Variants in PDE3B observed in about 807,000 individuals in gnomAD.
PDE3B encodes cGMP-inhibited 3',5'-cyclic phosphodiesterase 3B.
Under a neutral mutation model 116.8 loss-of-function variants are expected in PDE3B, and 66 were observed. That is an observed-to-expected ratio of 0.56 (90% CI 0.46 to 0.69). The LOEUF is 0.69. PDE3B is among the 30% of genes least tolerant of loss of function. The probability of loss-of-function intolerance (pLI) is 0.00; values close to 1 mark genes in which losing one functional copy is unlikely to be tolerated. For missense variants in PDE3B, 1,384 were observed against 1,368.1 expected, an observed-to-expected ratio of 1.01 and a Z score of -0.18; for synonymous variants, 595 against 533.6, an observed-to-expected ratio of 1.12 and a Z score of -1.59.
At chr11:14,664,827 A>C (rs993928772) in intron 1 of PDE3B, among the ~76,000 whole-genome samples, 74 of 152,276 alleles carry the variant, frequency 4.9e-4, no homozygotes, top group Admixed American at 2.2e-3. Context: ...CAGCCGAATT[A>C]TACCAGAGGT....
At chr11:14,766,064 G>A (rs1277926343) in intron 1 of PDE3B, among the ~76,000 whole-genome samples, 4 of 151,446 alleles carry the variant, frequency 2.6e-5, no homozygotes, top group East Asian at 1.9e-4. Context: ...TTCCGTATGC[G>A]TGGTAGCTAC....
chr11:14,897,373 TGGTTTTACA>T, the PDE3B span, among the ~76,000 whole-genome samples: 1 of 152,210 alleles, frequency 6.6e-6, no homozygotes, highest in South Asian at 2.1e-4. Flanking sequence ...CCTCTCTCCC[TGGTTTTACA>T]GGTCAATGCC....
chr11:14,819,263 AT>A, intron 7 of PDE3B, 54 bp downstream of exon 7: 4 of 1,031,966 alleles, frequency 3.9e-6, no homozygotes, highest in Non-Finnish European at 6.0e-6. Context: ...TCTTACAATG[AT>A]TTTTAGAATG....
intron 1 of PDE3B, among the ~76,000 whole-genome samples, chr11:14,681,627 A>G (rs1457199014): frequency 6.6e-6 from 1 of 152,198 alleles, no homozygotes; most frequent in Non-Finnish European, 1.5e-5. Flanking sequence ...TTGTACCATC[A>G]TAGGTTGAGG....
At chr11:14,697,967 C>G (rs1459887605) in intron 1 of PDE3B, among the ~76,000 whole-genome samples, 2 of 151,894 alleles carry the variant, frequency 1.3e-5, no homozygotes, top group Non-Finnish European at 2.9e-5. Flanking sequence ...TCTTTTTGAT[C>G]TTTATACTTT....
At chr11:14,734,995 C>T (rs187367579) in intron 1 of PDE3B, among the ~76,000 whole-genome samples, 11 of 152,256 alleles carry the variant, frequency 7.2e-5, no homozygotes, top group South Asian at 4.1e-4. Flanking sequence ...TCATTGCATG[C>T]GGTTATGTCT....
intron 1 of PDE3B, among the ~76,000 whole-genome samples, chr11:14,714,537 C>T (rs1255543358): frequency 1.5e-5 from 2 of 130,356 alleles, no homozygotes; most frequent in Non-Finnish European, 3.3e-5. Flanking sequence ...TAAACCCTGT[C>T]TCAAAAAAAA....
intron 1 of PDE3B, among the ~76,000 whole-genome samples, chr11:14,722,846 T>C (rs1057115870): frequency 6.6e-6 from 1 of 152,204 alleles, no homozygotes; most frequent in African/African-American, 2.4e-5. Flanking sequence ...AATTTTTTTA[T>C]GTAGAAGAAG....
chr11:14,698,355 A>T (rs1371303694), intron 1 of PDE3B, among the ~76,000 whole-genome samples: 1 of 151,924 alleles, frequency 6.6e-6, no homozygotes, highest in African/African-American at 2.4e-5. Context: ...TTTTAAAAAA[A>T]TTTTAATTTC....
chr11:14,692,639 G>A (rs1273253288), intron 1 of PDE3B, among the ~76,000 whole-genome samples: 1 of 151,914 alleles, frequency 6.6e-6, no homozygotes, highest in Non-Finnish European at 1.5e-5. Flanking sequence ...TTGTTTTGGG[G>A]CAACACGAAT....
At chr11:14,689,844 G>A (rs181011460) in intron 1 of PDE3B, among the ~76,000 whole-genome samples, 1 of 152,274 alleles carries the variant, frequency 6.6e-6, no homozygotes, top group East Asian at 1.9e-4. Context: ...TGTTTCTGTA[G>A]GATTTCCAAA....
At chr11:14,794,848 T>C (rs1858503608) in intron 4 of PDE3B, among the ~76,000 whole-genome samples, 1 of 152,168 alleles carries the variant, frequency 6.6e-6, no homozygotes, top group Non-Finnish European at 1.5e-5. Context: ...TACTGGCTTA[T>C]TACAAATAAT....
intron 5 of PDE3B, among the ~76,000 whole-genome samples, chr11:14,811,758 T>G (rs544637611): frequency 2.6e-5 from 4 of 152,260 alleles, no homozygotes; most frequent in Non-Finnish European, 5.9e-5. Flanking sequence ...CAATATTGAT[T>G]CTTCCTACCC....
Position 14,841,924 on chromosome 11 carries a change from C to G in PDE3B, c.2321-1903C>G, listed in dbSNP as rs940335158. 3.9e-3 allele frequency among the ~76,000 whole-genome samples: 597 copies of G among 151,362 alleles called. 3 individuals carry two copies. The highest frequency in any genetic ancestry group is 0.014 in the African/African-American group (570 of 41,150). On this transcript the variant is annotated intron_variant, in intron 11 of 15. Transcript: ENST00000282096. ...TTCTTTTTGCTCAAGATTGCTTTGG[C>G]TACTTGGAATGTTTTTGTGGTGCCA... is the stretch of plus-strand genomic sequence containing the variant.
chr11:14,893,543 T>C, the PDE3B span, among the ~76,000 whole-genome samples: 21 of 152,206 alleles, frequency 1.4e-4, no homozygotes, highest in Non-Finnish European at 2.1e-4. Context: ...GGGGCTTCAT[T>C]CTTTCTAGAG....
chr11:14,680,301 T>A (rs564847073), intron 1 of PDE3B, among the ~76,000 whole-genome samples: 2 of 152,270 alleles, frequency 1.3e-5, no homozygotes, highest in Admixed American at 1.3e-4. Flanking sequence ...GAAAGTGAGA[T>A]GGAGTTGCAT....
At chr11:14,716,419 C>G (rs1855896355) in intron 1 of PDE3B, among the ~76,000 whole-genome samples, 1 of 151,084 alleles carries the variant, frequency 6.6e-6, no homozygotes, top group African/African-American at 2.4e-5. Context: ...GAGCCCACCA[C>G]AGCTCAAGGA....
At chr11:14,892,251 G>C in the PDE3B span, 2 of 1,561,938 alleles carry the variant, frequency 1.3e-6, no homozygotes, top group Non-Finnish European at 8.7e-7. Flanking sequence ...CTGAGACCCA[G>C]GCACTCCCTC....
chr11:14,754,524 A>G (rs1294739457), intron 1 of PDE3B, among the ~76,000 whole-genome samples: 3 of 152,160 alleles, frequency 2.0e-5, no homozygotes, highest in African/African-American at 7.2e-5. Flanking sequence ...TTGGAAAAAT[A>G]AATAGTGTTT....
Sources: allele counts gnomAD v4.1 joint callset (sites outside exome capture counted in the v4.1 genomes callset), GRCh38; gene constraint gnomAD v4.1.1; transcripts MANE v1.5; gene names NCBI Gene and HGNC (gene_info 2026-07-23, HGNC 2026-07-21).